Variants in FOXN3 observed in about 807,000 individuals in gnomAD.
FOXN3 encodes forkhead box protein N3.
A neutral mutation model predicts 38.4 loss-of-function variants in FOXN3; 7 were observed. The observed-to-expected ratio is 0.18, with a 90% CI of 0.10 to 0.34. The LOEUF (loss-of-function observed/expected upper bound fraction) is 0.34. FOXN3 is among the 10% of genes least tolerant of loss of function. The pLI, the probability that FOXN3 is intolerant of heterozygous loss-of-function variation, is 1.00. For synonymous variants in FOXN3, 230 were observed against 242.2 expected (o/e 0.95, Z 0.47); for missense variants, 456 against 613.4 (o/e 0.74, Z 2.71).
At chr14:89,230,881 A>G in intron 4 of FOXN3, 3 of 455,942 alleles carry the variant, frequency 6.6e-6, no homozygotes, top group South Asian at 3.1e-5. Context: ...TTGAAAAAAT[A>G]GCTTTCATTT....
At chr14:89,506,469 C>A (rs1267772927) in intron 1 of FOXN3, among the ~76,000 whole-genome samples, 3 of 141,938 alleles carry the variant, frequency 2.1e-5, no homozygotes, top group Admixed American at 6.9e-5. Flanking sequence ...GTCAGCCCCC[C>A]ACCCGGCCAG....
chr14:89,458,492 G>A (rs918431374), intron 1 of FOXN3, among the ~76,000 whole-genome samples: 5 of 152,212 alleles, frequency 3.3e-5, no homozygotes, highest in Non-Finnish European at 2.9e-5. Context: ...CGGTCTTCAT[G>A]ATGCCCTCTT....
intron 3 of FOXN3, among the ~76,000 whole-genome samples, chr14:89,303,132 G>A (rs1481796006): frequency 6.6e-6 from 1 of 152,098 alleles, no homozygotes; most frequent in African/African-American, 2.4e-5. Flanking sequence ...GCCACCCCTT[G>A]TCTTTTAGTT....
chr14:89,402,649 C>T (rs2140088982), intron 2 of FOXN3, among the ~76,000 whole-genome samples: 1 of 152,298 alleles, frequency 6.6e-6, no homozygotes, highest in East Asian at 1.9e-4. Context: ...CAGCAAGACT[C>T]CCTCCTGTCC....
At chr14:89,291,949 C>T (rs950874893) in intron 3 of FOXN3, among the ~76,000 whole-genome samples, 1 of 152,156 alleles carries the variant, frequency 6.6e-6, no homozygotes, top group Non-Finnish European at 1.5e-5. Flanking sequence ...CCAGTTATTG[C>T]TGTGTGTCCA....
chr14:89,307,634 G>C (rs1441999014), intron 3 of FOXN3, among the ~76,000 whole-genome samples: 1 of 152,172 alleles, frequency 6.6e-6, no homozygotes, highest in East Asian at 1.9e-4. Context: ...CCGAGCCACA[G>C]TATTTCTTAA....
At chr14:89,504,799 C>G (rs1402842630) in intron 1 of FOXN3, among the ~76,000 whole-genome samples, 1 of 152,212 alleles carries the variant, frequency 6.6e-6, no homozygotes, top group Non-Finnish European at 1.5e-5. Context: ...GCAACTCCCT[C>G]TAACAGCAAC....
rs998396173 is a variant in FOXN3 at position 89,164,769 on chromosome 14, A to G, written c.852-1800T>C. 6.6e-6 allele frequency among the ~76,000 whole-genome samples: 1 copy of G among 152,198 alleles called. No homozygotes were observed. The highest frequency in any genetic ancestry group is 6.5e-5 in the Admixed American group (1 of 15,278). On this transcript the variant is annotated intron_variant, in intron 5 of 5. Coordinates refer to ENST00000557258, the MANE Select transcript of FOXN3 (RefSeq NM_005197.4). This position sits in a 1 kb window ranked among gnomAD's most constrained non-coding sequence, Gnocchi z 4.3. ...GAAGGGCTGTGGGGTCAGGACCACC[A>G]GTGAGATAACAGTAGTGACAATCTC... is the stretch of plus-strand genomic sequence containing the variant.
intron 4 of FOXN3, among the ~76,000 whole-genome samples, chr14:89,275,793 G>A (rs1357995582): frequency 2.6e-5 from 4 of 152,170 alleles, no homozygotes; most frequent in East Asian, 1.9e-4. Context: ...CACATTCTAC[G>A]GACTGCGTGT....
chr14:89,564,546 G>A (rs1026819542), intron 1 of FOXN3, among the ~76,000 whole-genome samples: 2 of 152,156 alleles, frequency 1.3e-5, no homozygotes, highest in Non-Finnish European at 2.9e-5. Flanking sequence ...GACAGAGCAA[G>A]CTCTGAATGT....
At chr14:89,549,097 C>T (rs1322934320) in intron 1 of FOXN3, among the ~76,000 whole-genome samples, 2 of 148,066 alleles carry the variant, frequency 1.4e-5, no homozygotes, top group African/African-American at 5.0e-5. Flanking sequence ...CCAGCCTTGG[C>T]GACAGAGTGA....
chr14:89,166,701 CTCTT>C (rs1049472233), intron 5 of FOXN3, among the ~76,000 whole-genome samples: 1 of 152,240 alleles, frequency 6.6e-6, no homozygotes, highest in Non-Finnish European at 1.5e-5. Context: ...ATAAATGTCT[CTCTT>C]TCTCATTTGA....
intron 3 of FOXN3, among the ~76,000 whole-genome samples, chr14:89,325,347 CACCACCACCACCACT>C (rs1888042847): frequency 8.2e-6 from 1 of 122,638 alleles, no homozygotes; most frequent in African/African-American, 2.9e-5. Flanking sequence ...CCACCACCAC[CACCACCACCACCACT>C]ACCACCACCG....
chr14:89,513,165 AAAAAG>A (rs1192968410), intron 1 of FOXN3, among the ~76,000 whole-genome samples: 6 of 150,724 alleles, frequency 4.0e-5, no homozygotes, highest in Non-Finnish European at 5.9e-5. Context: ...AAAAAAAAAA[AAAAAG>A]AAAAAGAAAG....
At chr14:89,199,645 G>A (rs893632750) in intron 4 of FOXN3, among the ~76,000 whole-genome samples, 3 of 152,214 alleles carry the variant, frequency 2.0e-5, no homozygotes, top group Admixed American at 6.5e-5. Flanking sequence ...GCTCATGCCT[G>A]TAATCCCAAC....
intron 4 of FOXN3, among the ~76,000 whole-genome samples, chr14:89,203,514 A>T (rs1888288320): frequency 6.6e-6 from 1 of 152,212 alleles, no homozygotes; most frequent in African/African-American, 2.4e-5. Context: ...TGCCTGGAGC[A>T]TGTCCCTCCT....
chr14:89,551,275 C>G (rs144360707), intron 1 of FOXN3, among the ~76,000 whole-genome samples: 1 of 152,200 alleles, frequency 6.6e-6, no homozygotes, highest in Non-Finnish European at 1.5e-5. Context: ...GGCTCAAGAG[C>G]TGTGGGTCTA....
intron 4 of FOXN3, among the ~76,000 whole-genome samples, chr14:89,254,210 T>C (rs1022358608): frequency 2.0e-5 from 3 of 152,104 alleles, no homozygotes; most frequent in African/African-American, 7.2e-5. Context: ...GCAAGGAGAG[T>C]GCTCAGAAGA....
intron 1 of FOXN3, among the ~76,000 whole-genome samples, chr14:89,461,055 T>G (rs1596283051): frequency 5.2e-5 from 6 of 114,788 alleles, no homozygotes; most frequent in South Asian, 2.8e-4. Flanking sequence ...GGGAGGGGGC[T>G]GGGCGCAGTG....
Sources: allele counts gnomAD v4.1 joint callset (sites outside exome capture counted in the v4.1 genomes callset), GRCh38; gene constraint gnomAD v4.1.1; non-coding constraint Gnocchi (gnomAD v3.1); transcripts MANE v1.5; gene names NCBI Gene and HGNC (gene_info 2026-07-23, HGNC 2026-07-21).